Variants in GFPT1 observed in about 807,000 individuals in gnomAD.
The protein encoded by GFPT1 is glutamine--fructose-6-phosphate transaminase 1, also known as glutamine--fructose-6-phosphate aminotransferase [isomerizing] 1.
GFPT1 carries 40 observed loss-of-function variants against 92.0 expected under a neutral mutation model. The observed-to-expected ratio is 0.43, with a 90% CI of 0.34 to 0.57. The LOEUF is 0.57. Among genes scored for constraint, GFPT1 ranks in the 20% least tolerant of loss-of-function variants. GFPT1 has a pLI of 0.02. For synonymous variants in GFPT1, 269 were observed against 280.6 expected, an observed-to-expected ratio of 0.96 and a Z score of 0.41; for missense variants, 448 against 869.1, an observed-to-expected ratio of 0.52 and a Z score of 6.09.
In GFPT1 at chr2:69,342,141, A is replaced by G; in HGVS notation, c.1203+11T>C. 2 of 1,505,624 alleles carry G rather than the reference A, an allele frequency of 1.3e-6. No individual in the cohort carries two copies. Among genetic ancestry groups the G allele is most frequent in the Non-Finnish European group, 1.8e-6 (2 of 1,090,704 alleles). 93.3% of individuals were successfully genotyped at this position (1,505,624 alleles called of 1,614,324 possible). A position where few individuals can be genotyped will look rare whatever the true frequency, so the allele number is the denominator to read the frequency against. On this transcript the variant is annotated intron_variant, in intron 13 of 19. Coordinates refer to ENST00000357308, the MANE Select transcript of GFPT1 (RefSeq NM_001244710.2). ...ATATTCAACATAATTAAAATTTTAA[A>G]AAGCACTTACTGCTACACCAGCATG...
rs1025893425 is a variant in GFPT1, at chr2:69,325,269, C to T, written c.*920G>A. The T allele has an allele frequency of 6.6e-6, 1 of 152,002 alleles. No individual in the cohort carries two copies. The highest frequency in any genetic ancestry group is 1.5e-5 in the Non-Finnish European group (1 of 67,972). The allele number at this position is 152,002 out of a possible 1,614,324, so 9.4% of individuals were successfully genotyped here. A position where few individuals can be genotyped will look rare whatever the true frequency, so the allele number is the denominator to read the frequency against. On this transcript the variant is annotated 3_prime_UTR_variant, in exon 20 of 20. Coordinates refer to ENST00000357308, the MANE Select transcript of GFPT1 (RefSeq NM_001244710.2). Reference sequence around the variant, plus strand: ...CCTCGTGACAAAGTTGAAGAGAATACTGAATATATCAATATTAATTTAATA... The same window carrying T: ...CCTCGTGACAAAGTTGAAGAGAATATTGAATATATCAATATTAATTTAATA...
chr2:69,374,085 A>C lies in GFPT1; in HGVS notation c.36T>G (p.Val12=). 1.3e-6 allele frequency: 2 copies of C among 1,591,186 alleles called. No homozygotes were observed. Among genetic ancestry groups the C allele is most frequent in the Non-Finnish European group, 1.7e-6 (2 of 1,160,272 alleles). Residue 12 remains valine (V), a synonymous_variant, in exon 2 of 20, where the codon GTT becomes GTG. Coordinates refer to ENST00000357308, the MANE Select transcript of GFPT1 (RefSeq NM_001244710.2). ...CCAGGATTTCTCGTCTCGTTCGAGG[A>C]ACATGGTAGTTTAAGTAAGCAAATA... is the stretch of plus-strand genomic sequence containing the variant. ...CGIFAYLNYH[V]PRTRREILET... is the part of the protein sequence containing the mutation.
At position 69,342,152 on chromosome 2, in the gene GFPT1, T is replaced by C. The variant is rs779216553; in HGVS notation, c.1203A>G (p.Ala401=). The C allele has an allele frequency of 6.4e-7, 1 of 1,572,006 alleles. No homozygotes were observed. The highest frequency in any genetic ancestry group is 1.7e-5 in the Admixed American group (1 of 59,258). Residue 401 remains alanine, a splice_region_variant and synonymous_variant, in exon 13 of 20, where the codon GCA becomes GCG. Coordinates refer to ENST00000357308, the MANE Select transcript of GFPT1 (RefSeq NM_001244710.2). ...ACGTSYHAGV[A]TRQVLEELTE... ...AATTAAAATTTTAAAAAGCACTTAC[T>C]GCTACACCAGCATGGTAACTTGTTC... is the stretch of plus-strand genomic sequence containing the variant.
intron 1 of GFPT1, among the ~76,000 whole-genome samples, chr2:69,374,454 C>T (rs889920156): frequency 6.6e-6 from 1 of 151,976 alleles, no homozygotes; most frequent in Admixed American, 6.6e-5. Context: ...GCTGGGACTA[C>T]AGGTGCCTGC....
intron 15 of GFPT1, 112 bp downstream of exon 15, chr2:69,337,784 ATG>A (rs1420059356): frequency 2.2e-5 from 19 of 864,240 alleles, no homozygotes; most frequent in Non-Finnish European, 3.5e-5. Context: ...CAAAAATAAA[ATG>A]TGTGAGTTCT....
At chr2:69,379,254 A>T (rs1345498802) in intron 1 of GFPT1, among the ~76,000 whole-genome samples, 1 of 152,126 alleles carries the variant, frequency 6.6e-6, no homozygotes, top group Admixed American at 6.5e-5. Flanking sequence ...CAGGCCAGGC[A>T]CAGTAGCAGA....
intron 13 of GFPT1, among the ~76,000 whole-genome samples, chr2:69,340,140 CTTTTTTT>C (rs139786418): frequency 1.4e-4 from 14 of 99,092 alleles, no homozygotes; most frequent in Non-Finnish European, 2.7e-4. Flanking sequence ...GTTGGGGCAA[CTTTTTTT>C]TTTTTTTTTT....
Position 69,329,434 on chromosome 2 carries a change from A to T in GFPT1, c.1598-10T>A. Reference sequence around the variant, plus strand: ...ACTTCCTTAATCAAATCTAAGAAGTAATATTAGCAAAAAAGGACAATAAAC... The same window carrying T: ...ACTTCCTTAATCAAATCTAAGAAGTTATATTAGCAAAAAAGGACAATAAAC... On this transcript the variant is annotated splice_polypyrimidine_tract_variant and intron_variant, in intron 16 of 19. Transcript: ENST00000357308. 6.3e-7 allele frequency: 1 copy of T among 1,591,398 alleles called. No individual in the cohort carries two copies. Among genetic ancestry groups the T allele is most frequent in the Non-Finnish European group, 8.6e-7 (1 of 1,160,012 alleles).
At chr2:69,354,707 A>G in intron 7 of GFPT1, 139 bp from the exon 8 acceptor site, 2 of 675,952 alleles carry the variant, frequency 3.0e-6, no homozygotes, top group East Asian at 5.6e-5. Context: ...AACTAGATAA[A>G]AAGAATTTTT....
intron 15 of GFPT1, among the ~76,000 whole-genome samples, chr2:69,335,689 A>G (rs757199820): frequency 4.6e-5 from 7 of 152,158 alleles, no homozygotes; most frequent in Non-Finnish European, 8.8e-5. Context: ...AAGTTTCAGC[A>G]CTCTGTAAAT....
At chr2:69,351,915 G>C (rs969152439) in intron 9 of GFPT1, among the ~76,000 whole-genome samples, 1 of 152,138 alleles carries the variant, frequency 6.6e-6, no homozygotes, top group Non-Finnish European at 1.5e-5. Flanking sequence ...ATGCAATTTC[G>C]CATCTGACAA....
At chr2:69,356,443 C>T (rs1671339912) in intron 7 of GFPT1, 53 bp downstream of exon 7, 1 of 1,229,242 alleles carries the variant, frequency 8.1e-7, no homozygotes, top group Admixed American at 1.7e-5. Context: ...GAAGAATAAA[C>T]ATGTAACTCA....
In GFPT1 at chr2:69,379,388, G is replaced by A. The variant is rs552479627; in HGVS notation, c.8-5275C>T. ...AAAATAAAAAATTAGGCATGGTGGT[G>A]CATGCCTGTAGTCCCAGATACTTGG... On this transcript the variant is annotated intron_variant, in intron 1 of 19. Transcript: ENST00000357308. Among the ~76,000 whole-genome samples the A allele has an allele frequency of 1.5e-4, 23 of 152,250 alleles. No homozygotes were observed. In the South Asian group the frequency reaches 4.6e-3, roughly 30 times the overall value.
rs990799925 is a variant in GFPT1 at position 69,323,059 on chromosome 2, CATAGTT to C, written c.*3124_*3129del. On this transcript the variant is annotated 3_prime_UTR_variant, in exon 20 of 20. Coordinates refer to ENST00000357308, the MANE Select transcript of GFPT1 (RefSeq NM_001244710.2). ...ATAGGTATTAATAAACACTTGTTGA[CATAGTT>C]ATAATAAGCTAAAAATAGTTAACAT... 2 of 152,200 alleles carry C rather than the reference CATAGTT, an allele frequency of 1.3e-5. No individual in the cohort carries two copies. Among genetic ancestry groups the C allele is most frequent in the African/African-American group, 2.4e-5 (1 of 41,436 alleles). 9.4% of individuals were successfully genotyped at this position (152,200 alleles called of 1,614,324 possible). A position where few individuals can be genotyped will look rare whatever the true frequency, so the allele number is the denominator to read the frequency against.
chr2:69,343,789 T>C (rs1406630863), intron 12 of GFPT1, among the ~76,000 whole-genome samples: 1 of 152,162 alleles, frequency 6.6e-6, no homozygotes, highest in South Asian at 2.1e-4. Flanking sequence ...TTTTGAATAA[T>C]TATATGTTCT....
At chr2:69,372,198 CAAA>C (rs534920006) in intron 2 of GFPT1, among the ~76,000 whole-genome samples, 2 of 52,726 alleles carry the variant, frequency 3.8e-5, no homozygotes, top group South Asian at 5.9e-4. Context: ...GACTCCATCT[CAAA>C]AAAAAAAAAA....
intron 1 of GFPT1, among the ~76,000 whole-genome samples, chr2:69,378,366 G>T (rs1009116768): frequency 1.3e-5 from 2 of 152,120 alleles, no homozygotes; most frequent in Non-Finnish European, 2.9e-5. Context: ...TCAACTTTCC[G>T]CCACTCTTCA....
rs138528050 is a variant in GFPT1, at chr2:69,353,805, T to G, written c.739+454A>C. Among the ~76,000 whole-genome samples, 871 of 152,192 alleles carry G rather than the reference T, an allele frequency of 5.7e-3. 10 individuals carry two copies. Among genetic ancestry groups the G allele is most frequent in the African/African-American group, 0.019 (775 of 41,534 alleles). ...AAAGAACAATCACTACAAATTCAAATAAAGCCAATCAAGATAGCAAATGTA... is the reference window on the plus strand; with the variant it reads ...AAAGAACAATCACTACAAATTCAAAGAAAGCCAATCAAGATAGCAAATGTA... On this transcript the variant is annotated intron_variant, in intron 9 of 19. Transcript: ENST00000357308.
intron 3 of GFPT1, among the ~76,000 whole-genome samples, chr2:69,368,251 C>T (rs1421379283): frequency 7.9e-5 from 12 of 152,080 alleles, no homozygotes; most frequent in Non-Finnish European, 2.9e-5. Flanking sequence ...GGCGTTGTGG[C>T]GGGCGCCTGT....
Sources: gnomAD v4.1 joint callset for allele counts (sites outside exome capture counted in the v4.1 genomes callset) on GRCh38, gnomAD v4.1.1 for gene constraint, MANE v1.5 for transcripts, NCBI Gene and HGNC (gene_info 2026-07-23, HGNC 2026-07-21) for gene names.